Variants in PREP observed in about 807,000 individuals in gnomAD.
PREP encodes dJ355L5.1 (prolyl endopeptidase).
PREP carries 29 observed loss-of-function variants against 87.6 expected under a neutral mutation model. The ratio of observed to expected loss-of-function variants is 0.33; its 90% CI spans 0.25 to 0.45. The LOEUF (loss-of-function observed/expected upper bound fraction) is 0.45, where lower values mean the gene tolerates loss of function less well. Ranked by LOEUF, PREP falls within the 20% of genes least tolerant of loss-of-function variation. PREP has a pLI of 1.00. For missense variants in PREP, 695 were observed against 886.5 expected (o/e 0.78, Z 2.74); for synonymous variants, 337 against 328.6 (o/e 1.03, Z -0.28).
In PREP at chr6:105,275,689, C is replaced by CCAT. The variant is rs1769918463; in HGVS notation, c.*2452_*2454dup. 6.6e-6 allele frequency among the ~76,000 whole-genome samples: 1 copy of CCAT among 152,154 alleles called. No individual in the cohort carries two copies. The highest frequency in any genetic ancestry group is 1.5e-5 in the Non-Finnish European group (1 of 68,034). ...CAAGATAGGGAATCAACCCACGTGC[C>CCAT]CATCAGCAGATGAACAGATGAAGAA... On this transcript the variant is annotated 3_prime_UTR_variant, in exon 15 of 15. Transcript: ENST00000652536.
At chr6:105,342,022 TAA>T (rs1203263705) in intron 7 of PREP, among the ~76,000 whole-genome samples, 3 of 152,208 alleles carry the variant, frequency 2.0e-5, no homozygotes, top group Non-Finnish European at 4.4e-5. Flanking sequence ...GAATCCTCCC[TAA>T]CTCATTTTAC....
chr6:105,346,627 T>C (rs1469357062), intron 7 of PREP, among the ~76,000 whole-genome samples: 3 of 152,184 alleles, frequency 2.0e-5, no homozygotes, highest in African/African-American at 4.8e-5. Flanking sequence ...CCATGCACCT[T>C]TTCTCCCTAA....
chr6:105,304,987 G>C (rs1177983778), intron 10 of PREP, among the ~76,000 whole-genome samples: 8 of 152,008 alleles, frequency 5.3e-5, no homozygotes, highest in African/African-American at 1.9e-4. Context: ...GAGCTTTATG[G>C]GTTCTTAAAC....
chr6:105,359,372 G>A (rs1335322689), intron 6 of PREP, among the ~76,000 whole-genome samples: 2 of 152,192 alleles, frequency 1.3e-5, no homozygotes, highest in Non-Finnish European at 2.9e-5. Context: ...GGAAAAATGA[G>A]TTCTGAGAAG....
chr6:105,353,603 C>T (rs1262218298), intron 6 of PREP, among the ~76,000 whole-genome samples: 3 of 151,906 alleles, frequency 2.0e-5, no homozygotes, highest in Non-Finnish European at 2.9e-5. Context: ...GAAACCCTGT[C>T]TCTACTAAAA....
chr6:105,284,660 T>C, intron 12 of PREP, among the ~76,000 whole-genome samples: 1 of 152,106 alleles, frequency 6.6e-6, no homozygotes, highest in East Asian at 1.9e-4. Context: ...TCCCATGTCC[T>C]CCCTCCCCCA....
intron 9 of PREP, among the ~76,000 whole-genome samples, chr6:105,327,083 T>A (rs1486176434): frequency 6.6e-6 from 1 of 152,194 alleles, no homozygotes; most frequent in Non-Finnish European, 1.5e-5. Context: ...CAGCTTTTTT[T>A]AAGAGCAGGT....
At chr6:105,321,468 T>C (rs1771006568) in intron 10 of PREP, among the ~76,000 whole-genome samples, 1 of 152,236 alleles carries the variant, frequency 6.6e-6, no homozygotes, top group South Asian at 2.1e-4. Flanking sequence ...AACCTGGACA[T>C]TCCAGGCTGC....
intron 9 of PREP, among the ~76,000 whole-genome samples, chr6:105,328,069 T>C (rs998160973): frequency 1.3e-5 from 2 of 152,214 alleles, no homozygotes; most frequent in Non-Finnish European, 2.9e-5. Flanking sequence ...ATAACACCCA[T>C]GTTTTCATGA....
intron 2 of PREP, among the ~76,000 whole-genome samples, chr6:105,390,436 A>T (rs1299328053): frequency 6.6e-6 from 1 of 152,232 alleles, no homozygotes; most frequent in Non-Finnish European, 1.5e-5. Flanking sequence ...CATTTTGCCC[A>T]GGGCGGCACT....
chr6:105,303,158 A>AG (rs2114628313), intron 10 of PREP, among the ~76,000 whole-genome samples: 1 of 145,522 alleles, frequency 6.9e-6, no homozygotes, highest in East Asian at 2.1e-4. Context: ...TATGTATGTA[A>AG]AGCAATCCTC....
At chr6:105,295,414 G>T (rs756758548) in intron 10 of PREP, among the ~76,000 whole-genome samples, 9 of 151,760 alleles carry the variant, frequency 5.9e-5, no homozygotes, top group Non-Finnish European at 1.3e-4. Context: ...CATACAGATA[G>T]ACTCAAATTT....
At chr6:105,295,586 A>G (rs778038658) in intron 10 of PREP, among the ~76,000 whole-genome samples, 1 of 152,058 alleles carries the variant, frequency 6.6e-6, no homozygotes, top group Admixed American at 6.6e-5. Flanking sequence ...AAGGTCATCA[A>G]TGAACGTTTC....
At chr6:105,346,163 T>C (rs553052084) in intron 7 of PREP, among the ~76,000 whole-genome samples, 15 of 136,320 alleles carry the variant, frequency 1.1e-4, no homozygotes, top group African/African-American at 4.9e-4. Context: ...GAGGTTTGCT[T>C]TTAGCACTCA....
intron 2 of PREP, among the ~76,000 whole-genome samples, chr6:105,395,608 A>C (rs1300495623): frequency 6.6e-6 from 1 of 152,248 alleles, no homozygotes; most frequent in African/African-American, 2.4e-5. Context: ...TCAAGTGCTG[A>C]CTATAAGATC....
intron 2 of PREP, among the ~76,000 whole-genome samples, chr6:105,382,177 A>C (rs963457997): frequency 2.6e-5 from 4 of 152,080 alleles, no homozygotes; most frequent in African/African-American, 9.7e-5. Context: ...AAGGACACAG[A>C]GTTTCAGTTA....
At chr6:105,324,049 G>A (rs575838441) in intron 9 of PREP, among the ~76,000 whole-genome samples, 49 of 152,324 alleles carry the variant, frequency 3.2e-4, no homozygotes, top group African/African-American at 1.2e-3. Flanking sequence ...AGATTCTAAT[G>A]CATTCTGTGA....
At chr6:105,317,939 CT>C (rs1770917180) in intron 10 of PREP, among the ~76,000 whole-genome samples, 1 of 152,210 alleles carries the variant, frequency 6.6e-6, no homozygotes, top group Non-Finnish European at 1.5e-5. Flanking sequence ...GTGATTTCTG[CT>C]GTCAACAATT....
At chr6:105,342,882 C>T (rs1395145354) in intron 7 of PREP, among the ~76,000 whole-genome samples, 9 of 149,392 alleles carry the variant, frequency 6.0e-5, no homozygotes, top group Admixed American at 2.0e-4. Context: ...AAAGAGGATA[C>T]AAACAAATGG....
Sources: gnomAD v4.1 joint callset for allele counts (sites outside exome capture counted in the v4.1 genomes callset) on GRCh38, gnomAD v4.1.1 for gene constraint, MANE v1.5 for transcripts, NCBI Gene and HGNC (gene_info 2026-07-23, HGNC 2026-07-21) for gene names.